Variants in EYS observed in about 807,000 individuals in gnomAD.
The protein encoded by EYS is protein eyes shut homolog.
A neutral mutation model predicts 282.1 loss-of-function variants in EYS; 250 were observed. The observed-to-expected ratio is 0.89, with a 90% confidence interval of 0.80 to 0.98. The LOEUF (loss-of-function observed/expected upper bound fraction) is 0.98, where lower values mean the gene tolerates loss of function less well. EYS is among the 50% of genes least tolerant of loss of function. EYS has a pLI of 0.00. For missense variants in EYS, 4,016 were observed against 3,709.0 expected, an observed-to-expected ratio of 1.08 and a Z score of -2.15; for synonymous variants, 1,355 against 1,282.9, an observed-to-expected ratio of 1.06 and a Z score of -1.20.
chr6:65,162,365 T>C (rs1191348307), intron 12 of EYS, among the ~76,000 whole-genome samples: 2 of 151,260 alleles, frequency 1.3e-5, no homozygotes, highest in Non-Finnish European at 3.0e-5. Flanking sequence ...ATGCGTGAGA[T>C]AGAGAGGAAA....
At chr6:65,102,125 G>A (rs1774911732) in intron 12 of EYS, among the ~76,000 whole-genome samples, 1 of 151,296 alleles carries the variant, frequency 6.6e-6, no homozygotes. Flanking sequence ...GTGAGGCATA[G>A]AAAAAACTAT....
chr6:64,707,352 G>A (rs1321633349), intron 22 of EYS, among the ~76,000 whole-genome samples: 1 of 152,232 alleles, frequency 6.6e-6, no homozygotes, highest in South Asian at 2.1e-4. Flanking sequence ...GGGAAAGGGA[G>A]GCAATAGGGT....
chr6:65,120,151 CAA>C (rs1170415166), intron 12 of EYS, among the ~76,000 whole-genome samples: 3 of 62,570 alleles, frequency 4.8e-5, no homozygotes, highest in Non-Finnish European at 9.4e-5. Context: ...GACTCCGTCT[CAA>C]AAAAAAAAAA....
intron 26 of EYS, among the ~76,000 whole-genome samples, chr6:64,447,685 G>T (rs1257451220): frequency 2.0e-5 from 3 of 152,158 alleles, no homozygotes; most frequent in African/African-American, 7.2e-5. Context: ...AGACTACAGA[G>T]TTTAAGATTT....
At chr6:65,103,608 C>G (rs1231592936) in intron 12 of EYS, among the ~76,000 whole-genome samples, 2 of 151,490 alleles carry the variant, frequency 1.3e-5, no homozygotes, top group African/African-American at 2.4e-5. Context: ...TATCCATACA[C>G]AAATAACATT....
Position 64,524,469 on chromosome 6 carries a change from C to G in EYS, c.5644+65754G>C, listed in dbSNP as rs56274904. On this transcript the variant is annotated intron_variant, in intron 26 of 42. Coordinates refer to ENST00000503581, the MANE Select transcript of EYS (RefSeq NM_001142800.2). ...TAGTTTCTTTTGCTGTGCGTAAGCT[C>G]TTAAGTTTAATTAGATCCCATTTGT... Among the ~76,000 whole-genome samples the G allele has an allele frequency of 3.2e-3, 487 of 151,914 alleles. 3 individuals are homozygous for G. Among genetic ancestry groups the G allele is most frequent in the African/African-American group, 0.011 (466 of 41,502 alleles).
chr6:63,793,999 C>T (rs552403120), intron 37 of EYS, among the ~76,000 whole-genome samples: 5 of 152,256 alleles, frequency 3.3e-5, no homozygotes, highest in African/African-American at 1.2e-4. Flanking sequence ...CAGCCTGGTT[C>T]CAGAGCCTGT....
intron 10 of EYS, among the ~76,000 whole-genome samples, chr6:65,335,358 C>T (rs894795006): frequency 1.3e-5 from 2 of 151,734 alleles, no homozygotes; most frequent in Non-Finnish European, 2.9e-5. Flanking sequence ...AAACCACACC[C>T]TTGCTAAACT....
chr6:65,217,860 G>T (rs1766355251), intron 12 of EYS, among the ~76,000 whole-genome samples: 2 of 152,020 alleles, frequency 1.3e-5, no homozygotes, highest in Admixed American at 1.3e-4. Flanking sequence ...ATGCCAGTAG[G>T]TTAAAAATAT....
At chr6:64,418,105 A>G (rs1331424022) in intron 28 of EYS, among the ~76,000 whole-genome samples, 1 of 152,194 alleles carries the variant, frequency 6.6e-6, no homozygotes, top group African/African-American at 2.4e-5. Context: ...CAGGGAAACC[A>G]CAGGGTGGGG....
At chr6:64,739,124 T>C (rs1487007547) in intron 22 of EYS, among the ~76,000 whole-genome samples, 4 of 152,220 alleles carry the variant, frequency 2.6e-5, no homozygotes, top group South Asian at 4.1e-4. Flanking sequence ...TGGACCTCTA[T>C]AGCCTCAGAC....
intron 12 of EYS, among the ~76,000 whole-genome samples, chr6:65,091,612 A>C (rs1258785321): frequency 6.6e-6 from 1 of 152,138 alleles, no homozygotes; most frequent in Non-Finnish European, 1.5e-5. Context: ...TTAAAATGCT[A>C]AGGTTAATCT....
chr6:64,148,234 A>G (rs988757118), intron 31 of EYS, among the ~76,000 whole-genome samples: 1 of 152,124 alleles, frequency 6.6e-6, no homozygotes, highest in African/African-American at 2.4e-5. Context: ...GTATGTTTTG[A>G]AATTATAGAT....
At position 65,382,457 on chromosome 6, in the gene EYS, CTGTGTGTGTGTG is replaced by C. The variant is rs55949006; in HGVS notation, c.1299+1917_1299+1928del. 7.3e-3 allele frequency among the ~76,000 whole-genome samples: 821 copies of C among 111,998 alleles called. 10 individuals carry two copies. The highest frequency in any genetic ancestry group is 0.023 in the African/African-American group (745 of 32,632). The allele number at this position is 111,998 out of a possible 152,430, so 73.5% of individuals were successfully genotyped here. A position where few individuals can be genotyped will look rare whatever the true frequency, so the allele number is the denominator to read the frequency against. On this transcript the variant is annotated intron_variant, in intron 8 of 42. Coordinates refer to ENST00000503581, the MANE Select transcript of EYS (RefSeq NM_001142800.2). ...ATCTATCTTTGAAGTCTCCTTTCCTCTGTGTGTGTGTGTGTGTGTGTGTGTGTGTGTGTGTGT... is the reference window on the plus strand; with the variant it reads ...ATCTATCTTTGAAGTCTCCTTTCCTCTGTGTGTGTGTGTGTGTGTGTGTGT...
intron 30 of EYS, 123 bp from the exon 31 acceptor site, chr6:64,230,947 C>A (rs745476926): frequency 2.5e-5 from 13 of 529,430 alleles, no homozygotes; most frequent in Non-Finnish European, 3.7e-5. Flanking sequence ...CAAGGTTTAA[C>A]TGAGGACAAA....
chr6:65,403,841 C>T (rs191100230), intron 6 of EYS, among the ~76,000 whole-genome samples: 1 of 152,034 alleles, frequency 6.6e-6, no homozygotes, highest in East Asian at 1.9e-4. Context: ...AACATGTGTT[C>T]AATTGTTCAT....
chr6:65,363,682 CAAGTT>C (rs1764804329), intron 8 of EYS, among the ~76,000 whole-genome samples: 2 of 151,668 alleles, frequency 1.3e-5, no homozygotes, highest in African/African-American at 4.8e-5. Flanking sequence ...TAATACAAGT[CAAGTT>C]TATTTAGTAG....
At chr6:63,734,177 A>C (rs1344987771) in intron 41 of EYS, among the ~76,000 whole-genome samples, 1 of 152,166 alleles carries the variant, frequency 6.6e-6, no homozygotes, top group Non-Finnish European at 1.5e-5. Context: ...TACTATGCTC[A>C]CTACCTGGGT....
chr6:64,518,133 T>C (rs1175459569), intron 26 of EYS, among the ~76,000 whole-genome samples: 1 of 151,884 alleles, frequency 6.6e-6, no homozygotes, highest in Non-Finnish European at 1.5e-5. Context: ...AAAAACATTA[T>C]CCAAATTTTT....
Sources: gnomAD v4.1 joint callset for allele counts (sites outside exome capture counted in the v4.1 genomes callset) on GRCh38, gnomAD v4.1.1 for gene constraint, MANE v1.5 for transcripts, NCBI Gene and HGNC (gene_info 2026-07-23, HGNC 2026-07-21) for gene names.